The following KIF13A variants were observed in gnomAD, a reference collection of about 807,000 sequenced individuals.
KIF13A encodes kinesin family member 13A, also known as kinesin-like protein KIF13A.
KIF13A carries 79 observed loss-of-function variants against 212.2 expected under a neutral mutation model. That is an observed-to-expected ratio of 0.37 (90% CI 0.31 to 0.45). KIF13A has a LOEUF of 0.45. KIF13A is among the 20% of genes least tolerant of loss of function. The pLI is 1.00. For synonymous variants in KIF13A, 789 were observed against 808.6 expected (o/e 0.98, Z 0.41); for missense variants, 1,901 against 2,209.0 (o/e 0.86, Z 2.79).
intron 4 of KIF13A, among the ~76,000 whole-genome samples, chr6:17,860,402 T>C (rs1055276500): frequency 5.9e-5 from 9 of 152,128 alleles, no homozygotes; most frequent in Admixed American, 1.3e-4. Flanking sequence ...TTGGCCAGGC[T>C]GGTCTCGAAC....
intron 2 of KIF13A, among the ~76,000 whole-genome samples, chr6:17,910,387 G>A (rs554051069): frequency 2.0e-5 from 3 of 152,270 alleles, no homozygotes; most frequent in Admixed American, 1.3e-4. Flanking sequence ...TCCAAAATTA[G>A]AAACAGAAAC....
intron 4 of KIF13A, among the ~76,000 whole-genome samples, chr6:17,862,123 C>T (rs1272719223): frequency 6.6e-6 from 1 of 152,118 alleles, no homozygotes; most frequent in African/African-American, 2.4e-5. Flanking sequence ...TCAGGTAATC[C>T]TCCTGCATCA....
downstream of KIF13A, chr6:17,760,569 A>T: frequency 3.7e-6 from 2 of 537,590 alleles, no homozygotes; most frequent in Non-Finnish European, 6.6e-6. Flanking sequence ...GGAGGTGTGT[A>T]GTAAGTGCAA....
rs546222130 is a variant in KIF13A, at chr6:17,918,934, T to A, written c.147-20754A>T. Among the ~76,000 whole-genome samples the A allele has an allele frequency of 9.8e-5, 15 of 152,312 alleles. No homozygotes were observed. Among genetic ancestry groups the A allele is most frequent in the Non-Finnish European group, 2.1e-4 (14 of 68,026 alleles). On this transcript the variant is annotated intron_variant, in intron 2 of 38. Coordinates refer to ENST00000259711, the MANE Select transcript of KIF13A (RefSeq NM_022113.6). This position sits in a 1 kb window ranked among gnomAD's most constrained non-coding sequence, Gnocchi z 4.8. ...AGGTCTCCCCTGGATCTGACAGTTATAAGATCCACGGAAAGAGAGGCTTTG... is the reference window on the plus strand; with the variant it reads ...AGGTCTCCCCTGGATCTGACAGTTAAAAGATCCACGGAAAGAGAGGCTTTG...
rs1771279862 is a variant in KIF13A, at chr6:17,883,611, G to T, written c.160-10174C>A. 1.3e-5 allele frequency among the ~76,000 whole-genome samples: 2 copies of T among 152,164 alleles called. No individual in the cohort carries two copies. The highest frequency in any genetic ancestry group is 2.4e-5 in the African/African-American group (1 of 41,430). ...TTTTTGTGTTTACTGGATTCCCACT[G>T]CTTTCCCAAAAAGACATAAGAAATG... is the stretch of plus-strand genomic sequence containing the variant. On this transcript the variant is annotated intron_variant, in intron 3 of 38. Coordinates refer to ENST00000259711, the MANE Select transcript of KIF13A (RefSeq NM_022113.6). The surrounding 1 kb of genome is among the most constrained non-coding windows in gnomAD (Gnocchi z 4.8).
intron 2 of KIF13A, among the ~76,000 whole-genome samples, chr6:17,946,063 A>T (rs554960828): frequency 1.3e-5 from 2 of 152,314 alleles, no homozygotes; most frequent in African/African-American, 4.8e-5. Context: ...TAGAAGGTAT[A>T]AGAGAGTATT....
chr6:17,821,785 C>A, intron 16 of KIF13A: 2 of 1,535,310 alleles, frequency 1.3e-6, no homozygotes, highest in Non-Finnish European at 1.7e-6. Flanking sequence ...CAGTTAAAAA[C>A]CTTTATCCCA....
rs1251113510 is a variant in KIF13A at position 17,872,449 on chromosome 6, TAAC to T, written c.220+925_220+927del. 6.6e-6 allele frequency among the ~76,000 whole-genome samples: 1 copy of T among 152,174 alleles called. No homozygotes were observed. Among genetic ancestry groups the T allele is most frequent in the Non-Finnish European group, 1.5e-5 (1 of 68,014 alleles). On this transcript the variant is annotated intron_variant, in intron 4 of 38. Transcript: ENST00000259711. The surrounding 1 kb of genome is among the most constrained non-coding windows in gnomAD (Gnocchi z 4.7). ...TGTACAACACGGTGACTATAGTTAA[TAAC>T]AACGTACTGTATTCCTGAAAATTGC...
intron 16 of KIF13A, among the ~76,000 whole-genome samples, chr6:17,824,035 G>A (rs1396422777): frequency 6.7e-6 from 1 of 148,806 alleles, no homozygotes; most frequent in Non-Finnish European, 1.5e-5. Context: ...AGCCTTCCGA[G>A]TAGCTAGGAT....
At chr6:17,848,770 C>T (rs771659524) in intron 9 of KIF13A, among the ~76,000 whole-genome samples, 36 of 151,628 alleles carry the variant, frequency 2.4e-4, no homozygotes, top group Non-Finnish European at 4.7e-4. Flanking sequence ...GAGATGGGTA[C>T]AAACGGGGTA....
At chr6:17,956,300 T>C (rs1420094160) in intron 2 of KIF13A, among the ~76,000 whole-genome samples, 3 of 152,210 alleles carry the variant, frequency 2.0e-5, no homozygotes, top group African/African-American at 7.2e-5. Flanking sequence ...TGCTCTGTTA[T>C]TAGACTCAAC....
chr6:17,854,429 C>T (rs1443013810), intron 6 of KIF13A, among the ~76,000 whole-genome samples: 2 of 151,768 alleles, frequency 1.3e-5, no homozygotes, highest in African/African-American at 4.8e-5. Context: ...TGAGCCACTA[C>T]ACCTGGCCTT....
At chr6:17,842,003 G>A (rs571543231) in intron 9 of KIF13A, among the ~76,000 whole-genome samples, 8,894 of 61,282 alleles carry the variant, frequency 0.15, 332 homozygotes, top group South Asian at 0.18. Flanking sequence ...ACACATACGT[G>A]TGTGTGTGTG....
chr6:17,815,079 C>T (rs10949448), intron 17 of KIF13A, among the ~76,000 whole-genome samples: 26,731 of 152,176 alleles, frequency 0.18, 2,630 homozygotes, highest in Admixed American at 0.27. Context: ...AGGAAGGTCA[C>T]GCAAGTCATG....
intron 13 of KIF13A, 144 bp downstream of exon 13, chr6:17,830,957 T>C (rs945067226): frequency 8.9e-6 from 6 of 674,528 alleles, no homozygotes; most frequent in Admixed American, 6.1e-5. Context: ...TTCTCAGTGG[T>C]GATCGGAGGG....
At chr6:17,964,531 T>C (rs981248702) in intron 2 of KIF13A, among the ~76,000 whole-genome samples, 1 of 152,070 alleles carries the variant, frequency 6.6e-6, no homozygotes, top group African/African-American at 2.4e-5. Context: ...TTTATAAAAA[T>C]CAGTAGAAAA....
chr6:17,893,832 C>CTTTTTT (rs139288852), intron 3 of KIF13A, among the ~76,000 whole-genome samples: 21 of 77,326 alleles, frequency 2.7e-4, no homozygotes, highest in East Asian at 1.5e-3. Context: ...TTTCCTGCAT[C>CTTTTTT]TTTTTTTTTT....
chr6:17,906,381 T>G, intron 2 of KIF13A, among the ~76,000 whole-genome samples: 1 of 125,364 alleles, frequency 8.0e-6, no homozygotes, highest in Non-Finnish European at 1.7e-5. Context: ...CCTCCCTCCC[T>G]CCCTGCCTTC....
rs995797958 is a variant in KIF13A, at chr6:17,838,583, C to A, written c.831-1000G>T. Reference sequence around the variant, plus strand: ...TGGCTGTTAGAATTTTAATAACAGCCATTACCACAGAGTGGCATAAATATG... The same window carrying A: ...TGGCTGTTAGAATTTTAATAACAGCAATTACCACAGAGTGGCATAAATATG... On this transcript the variant is annotated intron_variant, in intron 9 of 38. Transcript: ENST00000259711. This position sits in a 1 kb window ranked among gnomAD's most constrained non-coding sequence, Gnocchi z 4.2. 2.0e-5 allele frequency among the ~76,000 whole-genome samples: 3 copies of A among 151,830 alleles called. No individual in the cohort carries two copies. Among genetic ancestry groups the A allele is most frequent in the African/African-American group, 2.4e-5 (1 of 41,308 alleles).
Sources: gnomAD v4.1 joint callset for allele counts (sites outside exome capture counted in the v4.1 genomes callset) on GRCh38, gnomAD v4.1.1 for gene constraint, Gnocchi (gnomAD v3.1) non-coding constraint, MANE v1.5 for transcripts, NCBI Gene and HGNC (gene_info 2026-07-23, HGNC 2026-07-21) for gene names.